FNDC1: variants seen among roughly 807,000 people sequenced by gnomAD.
The protein encoded by FNDC1 is fibronectin type III domain containing 1.
FNDC1 carries 96 observed loss-of-function variants against 168.0 expected under a neutral mutation model. That is an observed-to-expected ratio of 0.57 (90% CI 0.48 to 0.68). FNDC1 has a LOEUF of 0.68. Among genes scored for constraint, FNDC1 ranks in the 30% least tolerant of loss-of-function variants. FNDC1 has a pLI of 0.00. For missense variants in FNDC1, 2,587 were observed against 2,482.1 expected (o/e 1.04, Z -0.90); for synonymous variants, 1,099 against 1,025.9 (o/e 1.07, Z -1.36).
At chr6:159,266,466 C>T (rs925452097) in intron 21 of FNDC1, among the ~76,000 whole-genome samples, 5 of 152,092 alleles carry the variant, frequency 3.3e-5, no homozygotes, top group Admixed American at 6.5e-5. Flanking sequence ...CTATGTTGGC[C>T]GGGCACAGTG....
At chr6:159,248,808 T>C in intron 15 of FNDC1, among the ~76,000 whole-genome samples, 1 of 152,204 alleles carries the variant, frequency 6.6e-6, no homozygotes. Flanking sequence ...TTGCCCTTTC[T>C]TTCTTCTGTC....
Position 159,266,143 on chromosome 6 carries a change from C to T in FNDC1, c.5344C>T (p.His1782Tyr), listed in dbSNP as rs1421319127. ...FKHDPSYTDCHGRQYVKRTWY... is the reference protein window; with the variant it reads ...FKHDPSYTDCYGRQYVKRTWY... The stretch of plus-strand genomic sequence containing the variant: ...ACATGATCCCAGCTACACGGACTGC[C>T]ATGGACGGCAATATGTGAAGCGCAC... Residue 1782 changes from histidine to tyrosine, a missense_variant, in exon 21 of 23, where the codon CAT becomes TAT. Transcript: ENST00000297267. 1.9e-6 allele frequency: 3 copies of T among 1,613,980 alleles called. No homozygotes were observed. The highest frequency in any genetic ancestry group is 2.5e-6 in the Non-Finnish European group (3 of 1,179,876).
At chr6:159,215,809 C>A (rs932660467) in intron 5 of FNDC1, among the ~76,000 whole-genome samples, 1 of 152,140 alleles carries the variant, frequency 6.6e-6, no homozygotes, top group Non-Finnish European at 1.5e-5. Flanking sequence ...TCTCTCTTTT[C>A]ACATTTTTCT....
Position 159,233,626 on chromosome 6 carries a change from C to T in FNDC1, c.3114C>T (p.Ala1038=). The change falls in exon 11 of 23, where the codon GCC becomes GCT. Residue 1038 remains alanine (A), a synonymous_variant. Transcript: ENST00000297267. The surrounding 1 kb of genome is among the most constrained non-coding windows in gnomAD (Gnocchi z 4.6). ...AGCCCAGGCTCTCACTGACCCAGGCCGGGCGGCCCCGCCCCACGTCGCAGG... is the reference window on the plus strand; with the variant it reads ...AGCCCAGGCTCTCACTGACCCAGGCTGGGCGGCCCCGCCCCACGTCGCAGG... ...PSQPRLSLTQ[A]GRPRPTSQGR... 2 of 1,560,634 alleles carry T rather than the reference C, an allele frequency of 1.3e-6. No homozygotes were observed. The highest frequency in any genetic ancestry group is 2.4e-5 in the South Asian group (2 of 85,004).
chr6:159,201,657 G>T (rs1234005859), intron 4 of FNDC1, among the ~76,000 whole-genome samples: 1 of 152,176 alleles, frequency 6.6e-6, no homozygotes, highest in African/African-American at 2.4e-5. Flanking sequence ...TCAAACCATG[G>T]AAATTCAGTA....
chr6:159,258,643 T>C (rs1224739269), intron 18 of FNDC1, among the ~76,000 whole-genome samples: 2 of 152,196 alleles, frequency 1.3e-5, no homozygotes, highest in Non-Finnish European at 2.9e-5. Context: ...GAGCAGCAGC[T>C]GCTAATCTTC....
At chr6:159,187,519 T>C (rs1348076424) in intron 1 of FNDC1, among the ~76,000 whole-genome samples, 5 of 152,208 alleles carry the variant, frequency 3.3e-5, no homozygotes, top group Non-Finnish European at 1.5e-5. Flanking sequence ...TTGAACCCTA[T>C]GCATATTGAG....
chr6:159,184,955 G>T (rs1168752033), intron 1 of FNDC1, among the ~76,000 whole-genome samples: 2 of 150,562 alleles, frequency 1.3e-5, no homozygotes, highest in African/African-American at 4.9e-5. Flanking sequence ...ATAGGCATTT[G>T]CTCTTTAGGG....
intron 5 of FNDC1, among the ~76,000 whole-genome samples, chr6:159,219,321 C>A (rs1375597268): frequency 6.6e-6 from 1 of 152,190 alleles, no homozygotes; most frequent in African/African-American, 2.4e-5. Flanking sequence ...GGATTGCAGG[C>A]GTGAGCCACC....
rs535445073 is a variant in FNDC1, at chr6:159,265,188, A to G, written c.5284+184A>G. Among the ~76,000 whole-genome samples the G allele has an allele frequency of 4.6e-5, 7 of 152,330 alleles. No individual in the cohort carries two copies. In the South Asian group the frequency reaches 8.3e-4, roughly 18 times the overall value. Reference sequence around the variant, plus strand: ...ACTCTGTGGGAAAGAATGACCTGGGAATTTTAAAATAGAGCCATAGCAATC... The same window carrying G: ...ACTCTGTGGGAAAGAATGACCTGGGGATTTTAAAATAGAGCCATAGCAATC... On this transcript the variant is annotated intron_variant, in intron 20 of 22. Coordinates refer to ENST00000297267, the MANE Select transcript of FNDC1 (RefSeq NM_032532.3).
At chr6:159,175,726 T>C (rs1164843271) in intron 1 of FNDC1, among the ~76,000 whole-genome samples, 2 of 152,232 alleles carry the variant, frequency 1.3e-5, no homozygotes, top group African/African-American at 2.4e-5. Context: ...TAAGCTCGCC[T>C]GTTGGCATCT....
intron 5 of FNDC1, among the ~76,000 whole-genome samples, chr6:159,217,417 C>G (rs1473073362): frequency 6.9e-6 from 1 of 145,738 alleles, no homozygotes; most frequent in Non-Finnish European, 1.5e-5. Flanking sequence ...TCAGTACCTC[C>G]GAGGCCAGCC....
intron 21 of FNDC1, among the ~76,000 whole-genome samples, chr6:159,267,249 C>T (rs1187358707): frequency 6.6e-6 from 1 of 152,044 alleles, no homozygotes; most frequent in Non-Finnish European, 1.5e-5. Context: ...TCTTTCTCTT[C>T]CATCACTGTC....
intron 1 of FNDC1, among the ~76,000 whole-genome samples, chr6:159,180,288 C>T (rs145699652): frequency 7.2e-4 from 110 of 152,214 alleles, no homozygotes; most frequent in Middle Eastern, 6.8e-3. Context: ...GTAAAGACAC[C>T]GGTCATATGG....
Position 159,234,106 on chromosome 6 carries a change from C to A in FNDC1, c.3594C>A (p.Ser1198=), listed in dbSNP as rs773228284. ...GCGGGAAAGAAGACCTTCTGTCTTCCTCTGTGCCAAAGTGGCCCTCTTCCT... is the reference window on the plus strand; with the variant it reads ...GCGGGAAAGAAGACCTTCTGTCTTCATCTGTGCCAAAGTGGCCCTCTTCCT... ...FKGGKEDLLS[S]SVPKWPSSST... is the part of the protein sequence containing the mutation. The change falls in exon 11 of 23, where the codon TCC becomes TCA. Residue 1198 remains serine (S), a synonymous_variant. Coordinates refer to ENST00000297267, the MANE Select transcript of FNDC1 (RefSeq NM_032532.3). 1.9e-6 allele frequency: 3 copies of A among 1,609,286 alleles called. No individual in the cohort carries two copies. In the African/African-American group the frequency reaches 4.0e-5, roughly 21 times the overall value.
At chr6:159,260,677 G>A (rs565018983) in intron 18 of FNDC1, among the ~76,000 whole-genome samples, 1 of 152,198 alleles carries the variant, frequency 6.6e-6, no homozygotes, top group Non-Finnish European at 1.5e-5. Context: ...TCAACCATAA[G>A]TTGCGTGGCT....
intron 4 of FNDC1, among the ~76,000 whole-genome samples, chr6:159,206,913 A>T (rs1782497621): frequency 6.6e-6 from 1 of 152,174 alleles, no homozygotes. Context: ...AAGGGCTTGG[A>T]TCTCTTCATC....
In FNDC1 at chr6:159,187,270, G is replaced by A. The variant is rs6923213; in HGVS notation, c.110-10161G>A. Among the ~76,000 whole-genome samples the A allele has an allele frequency of 8.6e-3, 1,310 of 152,280 alleles. 23 individuals are homozygous for A. Among genetic ancestry groups the A allele is most frequent in the African/African-American group, 0.03 (1,259 of 41,546 alleles). ...GAATGTGAACCAGGGATAGTCTGTAGGACACGATCTGCTTCCATTGCTGTC... is the reference window on the plus strand; with the variant it reads ...GAATGTGAACCAGGGATAGTCTGTAAGACACGATCTGCTTCCATTGCTGTC... On this transcript the variant is annotated intron_variant, in intron 1 of 22. Transcript: ENST00000297267.
intron 22 of FNDC1, among the ~76,000 whole-genome samples, chr6:159,268,319 G>T (rs1380548955): frequency 2.0e-5 from 3 of 152,098 alleles, no homozygotes; most frequent in African/African-American, 7.2e-5. Context: ...TGAATAAACA[G>T]AACAACTGAG....
Sources: allele counts gnomAD v4.1 joint callset (sites outside exome capture counted in the v4.1 genomes callset), GRCh38; gene constraint gnomAD v4.1.1; non-coding constraint Gnocchi (gnomAD v3.1); transcripts MANE v1.5; gene names NCBI Gene and HGNC (gene_info 2026-07-23, HGNC 2026-07-21).